Variants in ERBIN observed in about 807,000 individuals in gnomAD.
The protein encoded by ERBIN is densin-180-like protein.
ERBIN carries 60 observed loss-of-function variants against 158.4 expected under a neutral mutation model. The ratio of observed to expected loss-of-function variants is 0.38; its 90% CI spans 0.31 to 0.47. ERBIN has a LOEUF of 0.47. Among genes scored for constraint, ERBIN ranks in the 20% least tolerant of loss-of-function variants. The pLI is 0.99. For missense variants in ERBIN, 1,610 were observed against 1,648.0 expected (o/e 0.98, Z 0.40); for synonymous variants, 594 against 557.2 (o/e 1.07, Z -0.93).
rs745630318 is a variant in ERBIN, at chr5:66,054,179, A to G, written c.2861A>G (p.Glu954Gly). The G allele has an allele frequency of 8.1e-6, 13 of 1,614,182 alleles. No individual in the cohort carries two copies. Among genetic ancestry groups the G allele is most frequent in the Non-Finnish European group, 1.1e-5 (13 of 1,180,032 alleles). ...TTTGATTCAAATCATAATCCCGAAG[A>G]GCCAAATATAATAAGAGGCCCCACA... is the stretch of plus-strand genomic sequence containing the variant. ...FKFDSNHNPEEPNIIRGPTSG... is the reference protein window; with the variant it reads ...FKFDSNHNPEGPNIIRGPTSG... The change falls in exon 21 of 26, where the codon GAG (glutamate) becomes GGG (glycine). Residue 954 changes from glutamate to glycine, a missense_variant. Around this residue, in one of 2 missense-constraint regions of ERBIN, gnomAD observed 1,014 missense variants for 936.1 expected, o/e 1.08. Transcript: ENST00000284037.
rs1466279755 is a variant in ERBIN at position 65,964,745 on chromosome 5, T to TC, written c.-57-23890_-57-23889insC. ...CAATACAGCAGCCAGAGCAATCTTT[T>TC]TTTTTTTTTTTTTTTGAGATGGAGT... On this transcript the variant is annotated intron_variant, in intron 1 of 25. Coordinates refer to ENST00000284037, the MANE Select transcript of ERBIN (RefSeq NM_001253697.2). Among the ~76,000 whole-genome samples, 5 of 145,730 alleles carry TC rather than the reference T, an allele frequency of 3.4e-5. No homozygotes were observed. The East Asian group carries it at 9.8e-4, about 29-fold the overall frequency.
intron 15 of ERBIN, among the ~76,000 whole-genome samples, chr5:66,039,974 G>A (rs1757772496): frequency 6.6e-6 from 1 of 151,894 alleles, no homozygotes; most frequent in African/African-American, 2.4e-5. Context: ...TTCTGGCAGA[G>A]AGCAAGAAAT....
Position 66,048,715 on chromosome 5 carries a change from C to T in ERBIN, c.1837C>T (p.Arg613Ter), listed in dbSNP as rs994692317. 1 of 1,608,150 alleles carries T rather than the reference C, an allele frequency of 6.2e-7. No homozygotes were observed. The highest frequency in any genetic ancestry group is 1.1e-5 in the South Asian group (1 of 89,648). ...TGAAGAGATGAAAATGGCGGAGATG[C>T]GACCACCATTAATTGAAACCTCTAT... ...SDEEMKMAEM[R>*]PPLIETSINQ... is the part of the protein sequence containing the mutation. The change falls in exon 19 of 26, where the codon CGA becomes TGA. Residue 613 changes from arginine to a stop codon, truncating the protein, a stop_gained. Coordinates refer to ENST00000284037, the MANE Select transcript of ERBIN (RefSeq NM_001253697.2). LOFTEE classifies it high-confidence loss of function.
At chr5:65,957,542 T>G (rs189459125) in intron 1 of ERBIN, among the ~76,000 whole-genome samples, 24 of 152,216 alleles carry the variant, frequency 1.6e-4, no homozygotes, top group African/African-American at 5.1e-4. Flanking sequence ...GGTAAGGTCA[T>G]AGATCAACAG....
At chr5:66,034,115 CAA>C (rs34390168) in intron 14 of ERBIN, among the ~76,000 whole-genome samples, 2,503 of 133,028 alleles carry the variant, frequency 0.019, 75 homozygotes, top group African/African-American at 0.066. Flanking sequence ...GACTTTGTCT[CAA>C]AAAAAAAAAA....
chr5:66,075,570 T>C (rs1380609933), intron 23 of ERBIN, among the ~76,000 whole-genome samples: 1 of 152,196 alleles, frequency 6.6e-6, no homozygotes, highest in Admixed American at 6.5e-5. Context: ...CTTAATTCCT[T>C]AGATTTTGAA....
intron 4 of ERBIN, among the ~76,000 whole-genome samples, chr5:66,004,103 AT>A (rs57148473): frequency 0.031 from 3,238 of 105,156 alleles, 141 homozygotes; most frequent in African/African-American, 0.098. Context: ...ATGCTCGGCT[AT>A]TTTTTTTTTT....
chr5:66,038,385 C>A lies in ERBIN; in HGVS notation c.1209C>A (p.Ser403=), dbSNP rs748218807. 1.2e-6 allele frequency: 2 copies of A among 1,603,796 alleles called. No homozygotes were observed. Among genetic ancestry groups the A allele is most frequent in the East Asian group, 4.5e-5 (2 of 44,552 alleles). The stretch of plus-strand genomic sequence containing the variant: ...AAGCATTTATTTTCCTTCTCTAGTC[C>A]AAACCCCTGATACCTCTTCAAAAAG... ...LTAMWLSDNQ[S]KPLIPLQKET... Residue 403 remains serine (S), a splice_region_variant and synonymous_variant, in exon 15 of 26, where the codon TCC becomes TCA. Transcript: ENST00000284037.
chr5:65,981,593 A>G (rs1247184920), intron 1 of ERBIN, among the ~76,000 whole-genome samples: 8 of 152,196 alleles, frequency 5.3e-5, no homozygotes, highest in Admixed American at 5.2e-4. Context: ...TATAGCTGTT[A>G]ACAAGGATAA....
In ERBIN at chr5:66,028,229, T is replaced by G. The variant is rs1241960812; in HGVS notation, c.1137-45T>G. Reference sequence around the variant, plus strand: ...GTTGAACCCTCATTCATTTTAAATCTTCTCATTTTAAAGTTTAATTTTTGT... The same window carrying G: ...GTTGAACCCTCATTCATTTTAAATCGTCTCATTTTAAAGTTTAATTTTTGT... On this transcript the variant is annotated intron_variant, in intron 13 of 25. Transcript: ENST00000284037. The G allele has an allele frequency of 8.3e-6, 12 of 1,443,930 alleles. No homozygotes were observed. The East Asian group carries it at 2.8e-4, about 33-fold the overall frequency. The allele number at this position is 1,443,930 out of a possible 1,614,324, so 89.4% of individuals were successfully genotyped here.
intron 14 of ERBIN, among the ~76,000 whole-genome samples, chr5:66,034,404 C>T (rs1478360162): frequency 6.6e-6 from 1 of 151,866 alleles, no homozygotes; most frequent in Admixed American, 6.6e-5. Flanking sequence ...ATTTTCCTGC[C>T]TCAGCCTCTT....
At chr5:66,011,989 A>T in intron 4 of ERBIN, 60 bp from the exon 5 acceptor site, 1 of 1,044,276 alleles carries the variant, frequency 9.6e-7, no homozygotes, top group Non-Finnish European at 1.4e-6. Context: ...TATTATTGTT[A>T]CTGTTATTAT....
At chr5:65,954,900 A>G in intron 1 of ERBIN, among the ~76,000 whole-genome samples, 1 of 151,946 alleles carries the variant, frequency 6.6e-6, no homozygotes, top group East Asian at 1.9e-4. Context: ...CTCCGTCTCT[A>G]CTAAAAATAC....
chr5:66,027,954 A>AT (rs1756455310), intron 13 of ERBIN, among the ~76,000 whole-genome samples: 2 of 152,204 alleles, frequency 1.3e-5, no homozygotes, highest in South Asian at 4.1e-4. Context: ...GTTATGAGAC[A>AT]TTCCTTAATG....
chr5:66,015,397 G>A (rs1419450178), intron 7 of ERBIN, among the ~76,000 whole-genome samples: 5 of 151,612 alleles, frequency 3.3e-5, no homozygotes, highest in Admixed American at 6.6e-5. Flanking sequence ...AACAAGTTTC[G>A]TTGGAACACA....
chr5:66,072,547 C>T (rs1761624653), intron 22 of ERBIN, among the ~76,000 whole-genome samples: 2 of 152,076 alleles, frequency 1.3e-5, no homozygotes, highest in Admixed American at 1.3e-4. Flanking sequence ...TATAGTACCA[C>T]CTATTTATTT....
At chr5:66,062,299 C>G (rs1580510670) in intron 21 of ERBIN, among the ~76,000 whole-genome samples, 1 of 152,192 alleles carries the variant, frequency 6.6e-6, no homozygotes, top group African/African-American at 2.4e-5. Flanking sequence ...ATTTCGTCTT[C>G]CATCGCTGAT....
intron 23 of ERBIN, among the ~76,000 whole-genome samples, chr5:66,075,815 G>T (rs976246987): frequency 6.6e-5 from 10 of 151,658 alleles, no homozygotes; most frequent in African/African-American, 2.4e-4. Flanking sequence ...ACTCTCAATT[G>T]GTCATGTTTT....
chr5:65,992,978 T>C (rs897547840), intron 3 of ERBIN, 71 bp downstream of exon 3: 12 of 1,212,504 alleles, frequency 9.9e-6, no homozygotes, highest in Admixed American at 3.0e-5. Context: ...ATTCCTAATA[T>C]TGCTATAAAG....
Sources: gnomAD v4.1 joint callset for allele counts (sites outside exome capture counted in the v4.1 genomes callset) on GRCh38, gnomAD v4.1.1 for gene constraint, gnomAD v4.1.1 regional missense constraint, MANE v1.5 for transcripts, NCBI Gene and HGNC (gene_info 2026-07-23, HGNC 2026-07-21) for gene names.